Variants in ADGRB3 observed in about 807,000 individuals in gnomAD.
The protein encoded by ADGRB3 is brain-specific angiogenesis inhibitor 3.
Under a neutral mutation model 193.4 loss-of-function variants are expected in ADGRB3, and 37 were observed. That is an observed-to-expected ratio of 0.19 (90% confidence interval 0.15 to 0.25). The LOEUF is 0.25. Among genes scored for constraint, ADGRB3 ranks in the 10% least tolerant of loss-of-function variants. The pLI is 1.00. For synonymous variants in ADGRB3, 690 were observed against 644.2 expected (o/e 1.07, Z -1.08); for missense variants, 1,637 against 1,852.9 (o/e 0.88, Z 2.14).
At chr6:69,064,099 A>G (rs1771829075) in intron 16 of ADGRB3, among the ~76,000 whole-genome samples, 1 of 151,958 alleles carries the variant, frequency 6.6e-6, no homozygotes, top group Non-Finnish European at 1.5e-5. Context: ...TGTATTTTCT[A>G]CTATTGTGTA....
At chr6:68,863,698 T>G (rs537518896) in intron 3 of ADGRB3, among the ~76,000 whole-genome samples, 2 of 152,028 alleles carry the variant, frequency 1.3e-5, no homozygotes, top group African/African-American at 4.8e-5. Flanking sequence ...TTAGACTACT[T>G]AGAGAATGGC....
At chr6:69,031,523 T>TTCTA (rs1446444487) in intron 13 of ADGRB3, among the ~76,000 whole-genome samples, 3 of 46,654 alleles carry the variant, frequency 6.4e-5, no homozygotes, top group Admixed American at 3.9e-4. Context: ...AGTTGTCTCT[T>TTCTA]TCTTTCTTTC....
At chr6:69,058,059 C>A (rs547495522) in intron 15 of ADGRB3, among the ~76,000 whole-genome samples, 98 of 151,930 alleles carry the variant, frequency 6.5e-4, no homozygotes, top group Non-Finnish European at 1.1e-3. Context: ...GTGAAGACTT[C>A]TGGTCCTCTA....
intron 13 of ADGRB3, among the ~76,000 whole-genome samples, chr6:69,019,015 A>G (rs950895802): frequency 6.6e-6 from 1 of 151,984 alleles, no homozygotes; most frequent in East Asian, 1.9e-4. Flanking sequence ...ACTGCTGCCA[A>G]TGCAGTTTTT....
At chr6:68,688,188 A>G (rs1765015617) in intron 3 of ADGRB3, among the ~76,000 whole-genome samples, 1 of 152,104 alleles carries the variant, frequency 6.6e-6, no homozygotes, top group Non-Finnish European at 1.5e-5. Context: ...CAACCCCATC[A>G]TTCTGCAGAT....
Position 68,944,010 on chromosome 6 carries a change from A to C in ADGRB3, c.1195+16A>C. On this transcript the variant is annotated intron_variant, in intron 6 of 31. Transcript: ENST00000370598. ...CTTTGCCCAGGTGAGCCTATTCTGC[A>C]TTTGGTTATGTTTGCATTATGTGCT... is the stretch of plus-strand genomic sequence containing the variant. 3 of 1,583,466 alleles carry C rather than the reference A, an allele frequency of 1.9e-6. No homozygotes were observed. Among genetic ancestry groups the C allele is most frequent in the Admixed American group, 3.4e-5 (2 of 59,366 alleles).
intron 17 of ADGRB3, among the ~76,000 whole-genome samples, chr6:69,110,146 C>T (rs1379470284): frequency 2.0e-5 from 3 of 151,988 alleles, no homozygotes; most frequent in Non-Finnish European, 4.4e-5. Flanking sequence ...TGGGGTTTTA[C>T]CGACTTGGCC....
intron 8 of ADGRB3, among the ~76,000 whole-genome samples, chr6:68,973,879 T>A (rs965541162): frequency 4.6e-5 from 7 of 152,220 alleles, no homozygotes; most frequent in African/African-American, 1.7e-4. Context: ...TAGACCTCAT[T>A]CTTTCACTAC....
intron 20 of ADGRB3, among the ~76,000 whole-genome samples, chr6:69,285,778 A>T (rs531261230): frequency 6.6e-6 from 1 of 151,784 alleles, no homozygotes; most frequent in South Asian, 2.1e-4. Flanking sequence ...ATGCTCTCCT[A>T]CTCTGTACCC....
At chr6:69,132,042 T>C (rs890908802) in intron 17 of ADGRB3, among the ~76,000 whole-genome samples, 6 of 152,210 alleles carry the variant, frequency 3.9e-5, no homozygotes, top group Non-Finnish European at 7.4e-5. Context: ...AGCATTTGGA[T>C]TGGTTCCAAG....
chr6:68,694,388 A>G (rs1765123559), intron 3 of ADGRB3, among the ~76,000 whole-genome samples: 1 of 152,008 alleles, frequency 6.6e-6, no homozygotes. Context: ...ACCTAACTTA[A>G]GTGAATTTTT....
chr6:68,849,510 A>T (rs1264913977), intron 3 of ADGRB3, among the ~76,000 whole-genome samples: 1 of 151,992 alleles, frequency 6.6e-6, no homozygotes, highest in African/African-American at 2.4e-5. Flanking sequence ...AGATTATTAC[A>T]CCTTTTTAAC....
chr6:68,672,702 T>C (rs1272517482), intron 3 of ADGRB3, among the ~76,000 whole-genome samples: 1 of 152,084 alleles, frequency 6.6e-6, no homozygotes, highest in East Asian at 1.9e-4. Context: ...AGTTGGCTAG[T>C]ACATGGTACC....
Position 69,388,624 on chromosome 6 carries a change from C to T in ADGRB3, c.4381-79C>T, listed in dbSNP as rs1770123999. The stretch of plus-strand genomic sequence containing the variant: ...AGAAACTGGATTAAGATTACAAACA[C>T]GCTCTCTTCCTGGAAACTTCAACTA... On this transcript the variant is annotated intron_variant, in intron 31 of 31. Transcript: ENST00000370598. The T allele has an allele frequency of 6.0e-6, 8 of 1,336,158 alleles. No homozygotes were observed. The Admixed American group carries it at 7.0e-5, about 12-fold the overall frequency. The allele number at this position is 1,336,158 out of a possible 1,614,324, so 82.8% of individuals were successfully genotyped here. A position where few individuals can be genotyped will look rare whatever the true frequency, so the allele number is the denominator to read the frequency against.
chr6:68,957,510 G>A (rs1382670678), intron 8 of ADGRB3, among the ~76,000 whole-genome samples: 1 of 152,104 alleles, frequency 6.6e-6, no homozygotes, highest in Non-Finnish European at 1.5e-5. Flanking sequence ...GATGTGATAG[G>A]ACAGAATTTT....
chr6:68,637,931 G>C (rs1767994681), intron 2 of ADGRB3, among the ~76,000 whole-genome samples: 2 of 151,976 alleles, frequency 1.3e-5, no homozygotes, highest in Non-Finnish European at 2.9e-5. Flanking sequence ...TGGTGATGTT[G>C]AACAACAAGT....
intron 17 of ADGRB3, among the ~76,000 whole-genome samples, chr6:69,216,344 C>T (rs1006033129): frequency 7.2e-5 from 11 of 152,160 alleles, no homozygotes; most frequent in African/African-American, 2.7e-4. Context: ...GATTTAGGAT[C>T]AAGGTTTCTA....
At chr6:68,980,272 G>C (rs1408908324) in intron 10 of ADGRB3, among the ~76,000 whole-genome samples, 1 of 151,432 alleles carries the variant, frequency 6.6e-6, no homozygotes, top group Non-Finnish European at 1.5e-5. Flanking sequence ...TAAAGAACTT[G>C]AATCCCATTT....
intron 8 of ADGRB3, 109 bp from the exon 9 acceptor site, chr6:68,974,644 GAAAGAAAAAA>G: frequency 1.4e-6 from 1 of 730,454 alleles, no homozygotes; most frequent in Admixed American, 2.8e-5. Context: ...CTAAAAAAAA[GAAAGAAAAAA>G]AAAGAAAACT....
Sources: allele counts gnomAD v4.1 joint callset (sites outside exome capture counted in the v4.1 genomes callset), GRCh38; gene constraint gnomAD v4.1.1; transcripts MANE v1.5; gene names NCBI Gene and HGNC (gene_info 2026-07-23, HGNC 2026-07-21).